The following KLF8 variants were observed in gnomAD, a reference collection of about 807,000 sequenced individuals.
KLF8 encodes Krueppel-like factor 8.
A neutral mutation model predicts 18.2 loss-of-function variants in KLF8; 10 were observed. That is an observed-to-expected ratio of 0.55 (90% CI 0.34 to 0.93). The LOEUF is 0.93. Among genes scored for constraint, KLF8 ranks in the 40% least tolerant of loss-of-function variants. The pLI is 0.02. For missense variants in KLF8, 264 were observed against 277.9 expected (o/e 0.95, Z 0.36); for synonymous variants, 109 against 97.3 (o/e 1.12, Z -0.71).
the KLF8 span, among the ~76,000 whole-genome samples, chrX:55,962,667 A>T: frequency 9.0e-6 from 1 of 111,481 alleles, no homozygotes; most frequent in Non-Finnish European, 1.9e-5. Flanking sequence ...TAGGGCAGAG[A>T]CATCCATGTT....
chrX:56,156,027 T>C, the KLF8 span, among the ~76,000 whole-genome samples: 1 of 111,941 alleles, frequency 8.9e-6, no homozygotes. Flanking sequence ...GACATACATG[T>C]GCCACATTTT....
chrX:56,045,609 A>T, the KLF8 span, among the ~76,000 whole-genome samples: 10 of 111,574 alleles, frequency 9.0e-5, no homozygotes, highest in East Asian at 2.5e-3. Context: ...GTTTTCGTAG[A>T]TGTCTTTCAT....
chrX:56,065,789 G>T, the KLF8 span, among the ~76,000 whole-genome samples: 2 of 111,813 alleles, frequency 1.8e-5, no homozygotes, highest in Non-Finnish European at 3.8e-5. Flanking sequence ...TATAGTCCTT[G>T]TATGAGTTAT....
At chrX:56,207,828 C>T in the KLF8 span, among the ~76,000 whole-genome samples, 2 of 110,211 alleles carry the variant, frequency 1.8e-5, no homozygotes, top group Non-Finnish European at 3.8e-5. Flanking sequence ...TACCAGTTTA[C>T]TGTATTAGTC....
At chrX:56,188,161 G>C in the KLF8 span, among the ~76,000 whole-genome samples, 2 of 111,306 alleles carry the variant, frequency 1.8e-5, no homozygotes, top group South Asian at 7.6e-4. Context: ...AAGCTGATAA[G>C]CAACTTCAGC....
At chrX:55,949,789 C>CAA in the KLF8 span, among the ~76,000 whole-genome samples, 1 of 93,907 alleles carries the variant, frequency 1.1e-5, no homozygotes, top group Non-Finnish European at 2.1e-5. Flanking sequence ...GACTCCGTTT[C>CAA]AAAAAAAAAA....
chrX:55,979,594 G>A, the KLF8 span, among the ~76,000 whole-genome samples: 1 of 111,948 alleles, frequency 8.9e-6, no homozygotes, highest in Admixed American at 9.5e-5. Flanking sequence ...TCAGCAATTG[G>A]TATGGCCAGC....
At chrX:56,193,513 G>A in the KLF8 span, among the ~76,000 whole-genome samples, 1 of 112,024 alleles carries the variant, frequency 8.9e-6, no homozygotes, top group Admixed American at 9.5e-5. Context: ...AGAGATATCT[G>A]CACTTTCATA....
chrX:56,000,121 C>A, the KLF8 span, among the ~76,000 whole-genome samples: 1 of 111,004 alleles, frequency 9.0e-6, no homozygotes, highest in Admixed American at 9.6e-5. Flanking sequence ...TGTTTTTAAT[C>A]CTGTTTTTGT....
the KLF8 span, among the ~76,000 whole-genome samples, chrX:56,111,510 A>G: frequency 8.9e-6 from 1 of 112,507 alleles, no homozygotes; most frequent in Non-Finnish European, 1.9e-5. Context: ...GCTTCTGCAC[A>G]TCAAAATAAA....
chrX:56,211,502 T>C, the KLF8 span, among the ~76,000 whole-genome samples: 1 of 112,224 alleles, frequency 8.9e-6, no homozygotes, highest in Non-Finnish European at 1.9e-5. Flanking sequence ...CACTGGGTCT[T>C]GCCCAAGGCC....
chrX:56,094,471 T>A, the KLF8 span, among the ~76,000 whole-genome samples: 1 of 111,181 alleles, frequency 9.0e-6, no homozygotes, highest in South Asian at 3.7e-4. Flanking sequence ...AGGCCAAAAC[T>A]GGCAAAACTG....
At chrX:56,008,975 T>C in the KLF8 span, among the ~76,000 whole-genome samples, 9,939 of 111,463 alleles carry the variant, frequency 0.089, 1,097 homozygotes, top group African/African-American at 0.31. Flanking sequence ...GTGGCAGCCA[T>C]GGATGCCATG....
chrX:56,159,463 T>C, the KLF8 span, among the ~76,000 whole-genome samples: 1 of 112,858 alleles, frequency 8.9e-6, no homozygotes, highest in Non-Finnish European at 1.9e-5. Context: ...GAAGGAATGG[T>C]ACTAGCTCCT....
chrX:56,065,809 AAC>A, the KLF8 span, among the ~76,000 whole-genome samples: 2 of 111,909 alleles, frequency 1.8e-5, no homozygotes, highest in Non-Finnish European at 3.8e-5. Flanking sequence ...TTTGACTGTA[AAC>A]AGCAGTTATT....
the KLF8 span, among the ~76,000 whole-genome samples, chrX:56,093,903 ATATGTGTGTG>A: frequency 1.3e-5 from 1 of 77,723 alleles, no homozygotes; most frequent in African/African-American, 5.3e-5. Context: ...CGTATATATT[ATATGTGTGTG>A]TGTGTGTGTG....
the KLF8 span, among the ~76,000 whole-genome samples, chrX:56,071,988 G>T: frequency 9.8e-5 from 11 of 111,811 alleles, no homozygotes; most frequent in Non-Finnish European, 2.1e-4. Flanking sequence ...TAACTTGTGG[G>T]TCCTTAAGAG....
At chrX:55,954,508 A>G in the KLF8 span, among the ~76,000 whole-genome samples, 1 of 111,974 alleles carries the variant, frequency 8.9e-6, no homozygotes, top group Non-Finnish European at 1.9e-5. Context: ...TATACTCACC[A>G]GGATAGCCAT....
At chrX:55,920,638 TC>T in the KLF8 span, among the ~76,000 whole-genome samples, 1 of 72,064 alleles carries the variant, frequency 1.4e-5, no homozygotes, top group African/African-American at 5.2e-5. Flanking sequence ...CAGTGGAAAA[TC>T]TCAGCAATAA....
Sources: gnomAD v4.1 joint callset for allele counts (sites outside exome capture counted in the v4.1 genomes callset) on GRCh38, gnomAD v4.1.1 for gene constraint, MANE v1.5 for transcripts, NCBI Gene and HGNC (gene_info 2026-07-23, HGNC 2026-07-21) for gene names.